The following NHSL1 variants were observed in gnomAD, a reference collection of about 807,000 sequenced individuals.
NHSL1 encodes NHS like 1.
A neutral mutation model predicts 95.0 loss-of-function variants in NHSL1; 48 were observed. That is an observed-to-expected ratio of 0.51 (90% CI 0.40 to 0.64). The LOEUF (loss-of-function observed/expected upper bound fraction) is 0.64, where lower values mean the gene tolerates loss of function less well. Ranked by LOEUF, NHSL1 falls within the 30% of genes least tolerant of loss-of-function variation. NHSL1 has a pLI of 0.00. For missense variants in NHSL1, 1,971 were observed against 2,077.7 expected (o/e 0.95, Z 1.00); for synonymous variants, 783 against 833.9 (o/e 0.94, Z 1.05).
At chr6:138,553,889 A>C (rs527329169) in intron 1 of NHSL1, among the ~76,000 whole-genome samples, 19 of 152,346 alleles carry the variant, frequency 1.2e-4, no homozygotes, top group African/African-American at 4.3e-4. Context: ...CAACAAACTC[A>C]GAAAGCAGTT....
chr6:138,441,645 T>A (rs1583174197), intron 5 of NHSL1, among the ~76,000 whole-genome samples: 1 of 152,322 alleles, frequency 6.6e-6, no homozygotes, highest in East Asian at 1.9e-4. Flanking sequence ...CATGAAAACT[T>A]AAGATCTAAA....
chr6:138,458,345 C>T (rs7747657), intron 3 of NHSL1, among the ~76,000 whole-genome samples: 42,687 of 152,102 alleles, frequency 0.28, 7,225 homozygotes, highest in African/African-American at 0.45. Flanking sequence ...TTCCTAGCTA[C>T]ACAAACTTTA....
At chr6:138,452,024 T>C (rs1777270734) in intron 3 of NHSL1, among the ~76,000 whole-genome samples, 1 of 152,130 alleles carries the variant, frequency 6.6e-6, no homozygotes, top group African/African-American at 2.4e-5. Context: ...AATCCCTCAA[T>C]ATAGGGTGAC....
At chr6:138,569,080 A>C (rs1783722946) in intron 1 of NHSL1, among the ~76,000 whole-genome samples, 1 of 152,208 alleles carries the variant, frequency 6.6e-6, no homozygotes, top group Admixed American at 6.5e-5. Flanking sequence ...ACAGGCAAGC[A>C]GTGTGGCCTG....
At chr6:138,531,222 G>A (rs1782119667) in intron 1 of NHSL1, among the ~76,000 whole-genome samples, 1 of 152,124 alleles carries the variant, frequency 6.6e-6, no homozygotes, top group South Asian at 2.1e-4. Flanking sequence ...CTGTTTGTCT[G>A]CATTTTCTTG....
chr6:138,540,218 G>T (rs2128323242), intron 1 of NHSL1, among the ~76,000 whole-genome samples: 1 of 152,308 alleles, frequency 6.6e-6, no homozygotes, highest in East Asian at 1.9e-4. Flanking sequence ...TAGAACAATG[G>T]TTCTAAAAGC....
At position 138,429,817 on chromosome 6, in the gene NHSL1, C is replaced by T. The variant is rs1040096191; in HGVS notation, c.3979G>A (p.Gly1327Ser). 18 of 1,551,450 alleles carry T rather than the reference C, an allele frequency of 1.2e-5. No individual in the cohort carries two copies. The highest frequency in any genetic ancestry group is 2.4e-5 in the East Asian group (1 of 40,926). The change falls in exon 7 of 8, where the codon GGT (glycine) becomes AGT (serine). Residue 1327 changes from glycine to serine, a missense_variant. Gly to Ser is a moderately conservative substitution (Grantham distance 56). Coordinates refer to ENST00000343505, the MANE Select transcript of NHSL1 (RefSeq NM_001144060.2). ...AAGTCACAGGCCTCTGAGGATGAAC[C>T]GGCTGCGTTGGTCTCCGGCACCCCA... ...AAGVPETNAA[G>S]SSSEACDFLK... is the part of the protein sequence containing the mutation.
upstream of NHSL1, among the ~76,000 whole-genome samples, chr6:138,572,883 A>ATAGATAGATAGATAGG (rs1349838346): frequency 1.3e-5 from 2 of 152,192 alleles, no homozygotes; most frequent in African/African-American, 4.8e-5. Flanking sequence ...AGATAGATAG[A>ATAGATAGATAGATAGG]TAGATACATC....
chr6:138,486,466 C>T (rs143907067), intron 2 of NHSL1, among the ~76,000 whole-genome samples: 1 of 152,222 alleles, frequency 6.6e-6, no homozygotes, highest in African/African-American at 2.4e-5. Context: ...TGACTCTCTC[C>T]CCACCTGTGA....
intron 1 of NHSL1, among the ~76,000 whole-genome samples, chr6:138,515,107 G>C (rs181544383): frequency 5.6e-4 from 86 of 152,216 alleles, no homozygotes; most frequent in Admixed American, 1.4e-3. Flanking sequence ...GGGGCAGGAG[G>C]GTGAGAGAGT....
chr6:138,539,161 A>T (rs1384938257), intron 1 of NHSL1, among the ~76,000 whole-genome samples: 1 of 152,230 alleles, frequency 6.6e-6, no homozygotes. Context: ...TCAAATTAGG[A>T]TCTCTTAATT....
intron 1 of NHSL1, among the ~76,000 whole-genome samples, chr6:138,632,556 C>A (rs759243398): frequency 6.6e-6 from 1 of 152,164 alleles, no homozygotes; most frequent in African/African-American, 2.4e-5. Context: ...GGGAAGAGAG[C>A]AAGAGTTTCT....
At chr6:138,521,922 C>T (rs1239842839) in intron 1 of NHSL1, among the ~76,000 whole-genome samples, 1 of 152,064 alleles carries the variant, frequency 6.6e-6, no homozygotes, top group East Asian at 1.9e-4. Context: ...AAGAGGAAGA[C>T]TCTTGGTCAG....
chr6:138,670,094 C>T (rs573602838), intron 1 of NHSL1, among the ~76,000 whole-genome samples: 2 of 152,128 alleles, frequency 1.3e-5, no homozygotes, highest in Non-Finnish European at 2.9e-5. Flanking sequence ...GCACTCCAGC[C>T]TGGGTGACAG....
At chr6:138,464,670 C>T (rs1562297023) in intron 3 of NHSL1, among the ~76,000 whole-genome samples, 3 of 150,868 alleles carry the variant, frequency 2.0e-5, no homozygotes, top group Admixed American at 1.3e-4. Context: ...GGAATAATTA[C>T]GTTCAAATAG....
chr6:138,482,376 G>A (rs1779470577), intron 2 of NHSL1, among the ~76,000 whole-genome samples: 1 of 151,522 alleles, frequency 6.6e-6, no homozygotes. Flanking sequence ...AACCCGGGAG[G>A]CGGAGGTTGC....
chr6:138,585,225 A>C (rs977367695), intron 1 of NHSL1, among the ~76,000 whole-genome samples: 1 of 152,192 alleles, frequency 6.6e-6, no homozygotes, highest in Non-Finnish European at 1.5e-5. Flanking sequence ...ACAGGGAGCG[A>C]GAGGTGAGCT....
At chr6:138,577,510 A>G (rs1783989822), upstream of NHSL1, among the ~76,000 whole-genome samples, 1 of 152,250 alleles carries the variant, frequency 6.6e-6, no homozygotes, top group Non-Finnish European at 1.5e-5. Flanking sequence ...AGTGAGGTGC[A>G]TAAACAGAAG....
At chr6:138,636,069 G>A (rs995905550) in intron 1 of NHSL1, among the ~76,000 whole-genome samples, 17 of 149,048 alleles carry the variant, frequency 1.1e-4, no homozygotes, top group African/African-American at 4.0e-4. Context: ...GTTGCAGTGA[G>A]CTGAGATAGT....
Sources: allele counts gnomAD v4.1 joint callset (sites outside exome capture counted in the v4.1 genomes callset), GRCh38; gene constraint gnomAD v4.1.1; transcripts MANE v1.5; gene names NCBI Gene and HGNC (gene_info 2026-07-23, HGNC 2026-07-21).